The following DLGAP2 variants were observed in gnomAD, a reference collection of about 807,000 sequenced individuals.
DLGAP2 encodes the protein DLG associated protein 2.
DLGAP2 carries 26 observed loss-of-function variants against 100.3 expected under a neutral mutation model. The observed-to-expected ratio is 0.26, with a 90% confidence interval of 0.19 to 0.36. The LOEUF (loss-of-function observed/expected upper bound fraction) is 0.36, where lower values mean the gene tolerates loss of function less well. DLGAP2 is among the 10% of genes least tolerant of loss of function. DLGAP2 has a pLI of 1.00. For missense variants in DLGAP2, 1,858 were observed against 1,453.2 expected (o/e 1.28, Z -4.53); for synonymous variants, 886 against 630.1 (o/e 1.41, Z -6.08).
At position 927,774 on chromosome 8, in the gene DLGAP2, G is replaced by A. The variant is rs957421387; in HGVS notation, c.73+19808G>A. The stretch of plus-strand genomic sequence containing the variant: ...GTTAGAGTTGGGAATTACTGTTCTT[G>A]GTCGTTCCTGGAGATTATAGTTAGA... On this transcript the variant is annotated intron_variant, in intron 2 of 14. Transcript: ENST00000637795. Among the ~76,000 whole-genome samples, 9 of 152,190 alleles carry A rather than the reference G, an allele frequency of 5.9e-5. 1 individual carries two copies. The highest frequency in any genetic ancestry group is 6.8e-3 in the Middle Eastern group (2 of 294).
intron 3 of DLGAP2, among the ~76,000 whole-genome samples, chr8:1,298,933 G>A (rs1242457356): frequency 6.6e-6 from 1 of 152,048 alleles, no homozygotes; most frequent in Admixed American, 6.5e-5. Flanking sequence ...CTCTTCCCAG[G>A]GCCAGGGTCG....
intron 1 of DLGAP2, among the ~76,000 whole-genome samples, chr8:898,505 C>T (rs2128996934): frequency 6.6e-6 from 1 of 152,354 alleles, no homozygotes; most frequent in South Asian, 2.1e-4. Flanking sequence ...GGTTCCCTCT[C>T]ATCCATTTCT....
At chr8:1,165,786 T>A (rs941966255) in intron 2 of DLGAP2, among the ~76,000 whole-genome samples, 2 of 152,328 alleles carry the variant, frequency 1.3e-5, no homozygotes, top group Admixed American at 6.5e-5. Flanking sequence ...TTGTATCTCC[T>A]CCTGTTACTT....
chr8:931,770 T>C (rs1226869011), intron 2 of DLGAP2, among the ~76,000 whole-genome samples: 1 of 152,194 alleles, frequency 6.6e-6, no homozygotes, highest in Non-Finnish European at 1.5e-5. Flanking sequence ...AGGGCCCCAC[T>C]TGGTTTTTCT....
At chr8:771,824 G>A (rs2132608759) in intron 1 of DLGAP2, among the ~76,000 whole-genome samples, 1 of 152,336 alleles carries the variant, frequency 6.6e-6, no homozygotes, top group South Asian at 2.1e-4. Flanking sequence ...AATAAACAAT[G>A]GAAAGGGCAG....
intron 1 of DLGAP2, among the ~76,000 whole-genome samples, chr8:748,454 C>T (rs1820707921): frequency 6.6e-6 from 1 of 152,078 alleles, no homozygotes; most frequent in Non-Finnish European, 1.5e-5. Context: ...CAGAGTGGGC[C>T]ATGTGGGCGT....
At chr8:1,560,687 A>G (rs550733951) in intron 5 of DLGAP2, among the ~76,000 whole-genome samples, 42 of 152,316 alleles carry the variant, frequency 2.8e-4, no homozygotes, top group African/African-American at 9.4e-4. Context: ...CAAGTCCCCA[A>G]AGTTGTGAAT....
At chr8:1,647,483 T>C (rs1018370086) in intron 8 of DLGAP2, among the ~76,000 whole-genome samples, 1 of 73,224 alleles carries the variant, frequency 1.4e-5, no homozygotes. Context: ...AGAGAGACTC[T>C]GTCTCAAAAA....
At position 1,103,402 on chromosome 8, in the gene DLGAP2, C is replaced by G. The variant is rs367659500; in HGVS notation, c.74-155449C>G. On this transcript the variant is annotated intron_variant, in intron 2 of 14. Transcript: ENST00000637795. ...GGTTAACGGTGACGACTGGCAGGGC[C>G]TTGTTTAACGGTGATGACTGGCAGG... 1.5e-4 allele frequency among the ~76,000 whole-genome samples: 23 copies of G among 151,762 alleles called. 1 individual carries two copies. In the East Asian group the frequency reaches 4.1e-3, roughly 27 times the overall value.
intron 8 of DLGAP2, among the ~76,000 whole-genome samples, chr8:1,653,139 C>G (rs1488401210): frequency 2.0e-5 from 3 of 152,232 alleles, no homozygotes; most frequent in South Asian, 4.1e-4. Flanking sequence ...CCTGGAGATA[C>G]TGTGGCATCG....
intron 2 of DLGAP2, among the ~76,000 whole-genome samples, chr8:1,258,084 C>G (rs908640532): frequency 2.0e-5 from 3 of 152,290 alleles, no homozygotes; most frequent in Middle Eastern, 3.4e-3. Context: ...GCAGGCAGAG[C>G]CAAGTTCATA....
At chr8:1,552,623 C>T (rs549982475) in intron 5 of DLGAP2, among the ~76,000 whole-genome samples, 43 of 152,310 alleles carry the variant, frequency 2.8e-4, no homozygotes, top group African/African-American at 8.7e-4. Context: ...GATTTTATTT[C>T]GCAGCCAGGA....
rs551721307 is a variant in DLGAP2 at position 761,860 on chromosome 8, G to A, written c.18+24035G>A. ...TGGCGTGCGACACCCTGCGGAGGAG[G>A]CCCTGGAGAGGGGATGGGGAAACGT... On this transcript the variant is annotated intron_variant, in intron 1 of 14. Coordinates refer to ENST00000637795, the MANE Select transcript of DLGAP2 (RefSeq NM_001346810.2). 2.0e-3 allele frequency among the ~76,000 whole-genome samples: 309 copies of A among 152,338 alleles called. 1 individual carries two copies. The highest frequency in any genetic ancestry group is 2.8e-3 in the Non-Finnish European group (192 of 68,032).
intron 3 of DLGAP2, among the ~76,000 whole-genome samples, chr8:1,462,895 G>T (rs986876156): frequency 2.0e-5 from 3 of 152,238 alleles, no homozygotes; most frequent in Non-Finnish European, 4.4e-5. Context: ...TTACTTCCCA[G>T]CAAATGGCTC....
intron 2 of DLGAP2, among the ~76,000 whole-genome samples, chr8:1,004,586 G>A (rs1801052433): frequency 6.6e-6 from 1 of 152,220 alleles, no homozygotes; most frequent in South Asian, 2.1e-4. Context: ...CCTGTATAGT[G>A]CCTGTGAAGG....
intron 1 of DLGAP2, among the ~76,000 whole-genome samples, chr8:839,974 G>A (rs1356678235): frequency 8.6e-5 from 13 of 150,940 alleles, no homozygotes; most frequent in Non-Finnish European, 1.5e-4. Flanking sequence ...TGGATTGTGT[G>A]AGCGCGTCCA....
chr8:1,075,978 A>C (rs1026490922), intron 2 of DLGAP2, among the ~76,000 whole-genome samples: 1 of 152,154 alleles, frequency 6.6e-6, no homozygotes, highest in Non-Finnish European at 1.5e-5. Context: ...CTTAATAGTT[A>C]TTCTATGGGG....
intron 4 of DLGAP2, among the ~76,000 whole-genome samples, chr8:1,524,562 C>T: frequency 6.6e-6 from 1 of 152,156 alleles, no homozygotes; most frequent in East Asian, 1.9e-4. Flanking sequence ...CTCTCCCTGG[C>T]ATGCAAACCC....
intron 1 of DLGAP2, among the ~76,000 whole-genome samples, chr8:761,402 C>T (rs1038522406): frequency 2.6e-5 from 4 of 152,240 alleles, no homozygotes; most frequent in Admixed American, 6.5e-5. Flanking sequence ...TATTGCATCA[C>T]GGATTTTGGC....
Sources: allele counts gnomAD v4.1 joint callset (sites outside exome capture counted in the v4.1 genomes callset), GRCh38; gene constraint gnomAD v4.1.1; transcripts MANE v1.5; gene names NCBI Gene and HGNC (gene_info 2026-07-23, HGNC 2026-07-21).